ARHGEF28: variants seen among roughly 807,000 people sequenced by gnomAD.
ARHGEF28 encodes Rho guanine nucleotide exchange factor 28.
In ARHGEF28, 152 loss-of-function variants were observed where a neutral mutation model predicts 206.6. That is an observed-to-expected ratio of 0.74 (90% CI 0.64 to 0.84). The LOEUF (loss-of-function observed/expected upper bound fraction) is 0.84, where lower values mean the gene tolerates loss of function less well. Ranked by LOEUF, ARHGEF28 falls within the 40% of genes least tolerant of loss-of-function variation. The pLI is 0.00. For synonymous variants in ARHGEF28, 763 were observed against 776.4 expected, an observed-to-expected ratio of 0.98 and a Z score of 0.29; for missense variants, 2,028 against 2,073.2, an observed-to-expected ratio of 0.98 and a Z score of 0.42.
chr5:73,681,484 C>A (rs564401325), intron 1 of ARHGEF28, among the ~76,000 whole-genome samples: 298 of 152,064 alleles, frequency 2.0e-3, no homozygotes, highest in African/African-American at 6.7e-3. Context: ...TTTGAAGTTT[C>A]TGAGACTCTG....
At chr5:73,920,386 A>G (rs945800042) in intron 35 of ARHGEF28, among the ~76,000 whole-genome samples, 6 of 152,146 alleles carry the variant, frequency 3.9e-5, no homozygotes, top group Non-Finnish European at 8.8e-5. Flanking sequence ...ATAGTACTAT[A>G]TGTATCAGTT....
At chr5:73,737,024 A>G (rs1250286742) in intron 2 of ARHGEF28, among the ~76,000 whole-genome samples, 1 of 152,090 alleles carries the variant, frequency 6.6e-6, no homozygotes, top group Non-Finnish European at 1.5e-5. Context: ...GTATGGAAGG[A>G]TGGGCTCCCC....
At chr5:73,811,645 T>C (rs1443614436) in intron 9 of ARHGEF28, among the ~76,000 whole-genome samples, 1 of 152,318 alleles carries the variant, frequency 6.6e-6, no homozygotes, top group Non-Finnish European at 1.5e-5. Flanking sequence ...CATATCCTTA[T>C]AATTATACCC....
At chr5:73,901,481 T>C in intron 31 of ARHGEF28, 197 bp downstream of exon 31, 1 of 443,774 alleles carries the variant, frequency 2.3e-6, no homozygotes, top group Non-Finnish European at 4.1e-6. Flanking sequence ...GTCATGTAGG[T>C]GTAAACAAAG....
At chr5:73,849,440 C>G (rs1758566538) in intron 13 of ARHGEF28, among the ~76,000 whole-genome samples, 1 of 152,090 alleles carries the variant, frequency 6.6e-6, no homozygotes, top group South Asian at 2.1e-4. Flanking sequence ...TTACTTTTGT[C>G]TCATATATAC....
intron 9 of ARHGEF28, among the ~76,000 whole-genome samples, chr5:73,801,605 C>T (rs897657449): frequency 2.2e-4 from 34 of 152,040 alleles, no homozygotes; most frequent in Admixed American, 2.0e-3. Flanking sequence ...TTTCGTGAAA[C>T]ATGGGAGGGG....
At chr5:73,733,864 G>T (rs1453043072) in intron 2 of ARHGEF28, among the ~76,000 whole-genome samples, 1 of 152,170 alleles carries the variant, frequency 6.6e-6, no homozygotes, top group African/African-American at 2.4e-5. Context: ...GCTGGCATTT[G>T]CTTGGTTTCT....
intron 2 of ARHGEF28, among the ~76,000 whole-genome samples, chr5:73,722,586 A>G (rs1750027032): frequency 6.6e-6 from 1 of 152,258 alleles, no homozygotes; most frequent in Non-Finnish European, 1.5e-5. Context: ...GGACATGAAA[A>G]TAATGGGTGT....
chr5:73,853,683 T>C (rs1178681193), intron 14 of ARHGEF28, among the ~76,000 whole-genome samples: 1 of 152,230 alleles, frequency 6.6e-6, no homozygotes, highest in Non-Finnish European at 1.5e-5. Context: ...AAAGCAGTAA[T>C]TACTGACAAA....
intron 1 of ARHGEF28, among the ~76,000 whole-genome samples, chr5:73,634,560 T>C (rs1006603316): frequency 5.3e-5 from 8 of 152,230 alleles, no homozygotes; most frequent in Admixed American, 6.5e-5. Flanking sequence ...TTGTAGAATC[T>C]GCCGTTTTGA....
intron 1 of ARHGEF28, among the ~76,000 whole-genome samples, chr5:73,672,176 A>G (rs911225095): frequency 6.6e-6 from 1 of 152,120 alleles, no homozygotes; most frequent in African/African-American, 2.4e-5. Context: ...GGCCCCTATA[A>G]GTCTATTCAT....
At chr5:73,913,029 C>T (rs1762990875) in intron 35 of ARHGEF28, among the ~76,000 whole-genome samples, 1 of 152,146 alleles carries the variant, frequency 6.6e-6, no homozygotes, top group African/African-American at 2.4e-5. Context: ...CAAAGTAAAA[C>T]TTTTTAAACC....
chr5:73,836,330 G>C (rs959275146), intron 10 of ARHGEF28, among the ~76,000 whole-genome samples: 1 of 130,128 alleles, frequency 7.7e-6, no homozygotes, highest in Non-Finnish European at 1.6e-5. Flanking sequence ...TGTCTTTTTG[G>C]TAATAGCCAT....
intron 9 of ARHGEF28, among the ~76,000 whole-genome samples, chr5:73,813,931 G>C (rs1756015897): frequency 6.6e-6 from 1 of 150,856 alleles, no homozygotes; most frequent in Admixed American, 6.6e-5. Flanking sequence ...AAAAAAAGAA[G>C]GGAGTTTAGT....
At chr5:73,643,002 A>G (rs1744221649) in intron 1 of ARHGEF28, among the ~76,000 whole-genome samples, 1 of 152,212 alleles carries the variant, frequency 6.6e-6, no homozygotes, top group African/African-American at 2.4e-5. Context: ...GCTCCCAGTT[A>G]TATAGTTGGG....
intron 35 of ARHGEF28, among the ~76,000 whole-genome samples, chr5:73,916,809 C>G (rs998910086): frequency 1.3e-5 from 2 of 151,964 alleles, no homozygotes; most frequent in Admixed American, 1.3e-4. Flanking sequence ...TATTAAAAAG[C>G]CTGAATTTTA....
chr5:73,669,440 C>A (rs1419837133), intron 1 of ARHGEF28, among the ~76,000 whole-genome samples: 2 of 152,084 alleles, frequency 1.3e-5, no homozygotes, highest in African/African-American at 4.8e-5. Flanking sequence ...CTGCCCAATT[C>A]CCCCAATGGA....
chr5:73,890,821 C>T (rs1761581010), intron 26 of ARHGEF28, among the ~76,000 whole-genome samples: 1 of 152,186 alleles, frequency 6.6e-6, no homozygotes, highest in African/African-American at 2.4e-5. Context: ...AGCCACAGAC[C>T]AAAGAAGAAT....
intron 11 of ARHGEF28, 93 bp from the exon 12 acceptor site, chr5:73,846,175 C>G: frequency 8.4e-7 from 1 of 1,190,478 alleles, no homozygotes; most frequent in Non-Finnish European, 1.2e-6. Context: ...CCCCCCCGCC[C>G]CAGTGAAAGA....
Sources: allele counts gnomAD v4.1 joint callset (sites outside exome capture counted in the v4.1 genomes callset), GRCh38; gene constraint gnomAD v4.1.1; transcripts MANE v1.5; gene names NCBI Gene and HGNC (gene_info 2026-07-23, HGNC 2026-07-21).